Variants in MTRR observed in about 807,000 individuals in gnomAD.
The protein encoded by MTRR is methionine synthase reductase.
MTRR carries 63 observed loss-of-function variants against 79.2 expected under a neutral mutation model. The observed-to-expected ratio is 0.80, with a 90% confidence interval of 0.65 to 0.98. The LOEUF is 0.98. Among genes scored for constraint, MTRR ranks in the 50% least tolerant of loss-of-function variants. MTRR has a pLI of 0.00. For missense variants in MTRR, 895 were observed against 839.6 expected, an observed-to-expected ratio of 1.07 and a Z score of -0.82; for synonymous variants, 355 against 313.3, an observed-to-expected ratio of 1.13 and a Z score of -1.41.
intron 2 of MTRR, 118 bp downstream of exon 2, chr5:7,871,041 A>T: frequency 3.2e-6 from 4 of 1,234,846 alleles, no homozygotes; most frequent in Non-Finnish European, 4.7e-6. Flanking sequence ...TTTTTAACAG[A>T]AATGTGTTTG....
intron 1 of MTRR, among the ~76,000 whole-genome samples, chr5:7,854,688 C>T (rs568926519): frequency 2.6e-5 from 4 of 152,136 alleles, no homozygotes; most frequent in East Asian, 1.9e-4. Context: ...TATCTCCCTC[C>T]GGGTCTCTCC....
chr5:7,850,971 G>A (rs745410669), upstream of MTRR: 6 of 1,317,120 alleles, frequency 4.6e-6, no homozygotes, highest in Non-Finnish European at 2.9e-6. Context: ...GCGGCGGCCT[G>A]GGCTTGCCCC....
Position 7,892,846 on chromosome 5 carries a change from T to C in MTRR, c.1490T>C (p.Val497Ala), listed in dbSNP as rs1737849237. 1 of 1,614,234 alleles carries C rather than the reference T, an allele frequency of 6.2e-7. No individual in the cohort carries two copies. The highest frequency in any genetic ancestry group is 8.5e-7 in the Non-Finnish European group (1 of 1,180,034). Residue 497 changes from valine (V) to alanine (A), a missense_variant, in exon 11 of 15, where the codon GTT (valine) becomes GCT (alanine). Physicochemically the swap from Val to Ala is moderately conservative, Grantham distance 64. Coordinates refer to ENST00000440940, the MANE Select transcript of MTRR (RefSeq NM_002454.3). ...TGTACAGGCTGGCTGGCCTTGTTGG[T>C]TGCTTCAGTTCTTCAGCCAAACATA... ...GVCTGWLALL[V>A]ASVLQPNIHA...
exon 1 of MTRR, chr5:7,851,367 T>G: frequency 4.4e-6 from 1 of 229,610 alleles, no homozygotes; most frequent in Non-Finnish European, 8.4e-6. Context: ...CACTGATCAC[T>G]CCTTCGCGAG....
upstream of MTRR, chr5:7,868,125 A>G (rs1747171026): frequency 7.3e-7 from 1 of 1,367,988 alleles, no homozygotes; most frequent in African/African-American, 1.5e-5. Flanking sequence ...AAAAAATTTA[A>G]AAACACATGG....
intron 5 of MTRR, among the ~76,000 whole-genome samples, chr5:7,880,167 T>C (rs185775975): frequency 1.3e-5 from 2 of 152,224 alleles, no homozygotes; most frequent in African/African-American, 4.8e-5. Context: ...GACCGCACTG[T>C]CCTGGCTACT....
intron 1 of MTRR, among the ~76,000 whole-genome samples, chr5:7,854,546 C>T (rs1305642121): frequency 1.3e-5 from 2 of 152,050 alleles, no homozygotes; most frequent in African/African-American, 2.4e-5. Context: ...AGATGAAAGG[C>T]ACTCCTTACA....
upstream of MTRR, chr5:7,867,146 G>C (rs1351462818): frequency 1.2e-6 from 2 of 1,614,002 alleles, no homozygotes; most frequent in Non-Finnish European, 1.7e-6. Context: ...TATAATCAGA[G>C]GAAATGCTTG....
At chr5:7,893,828 C>T (rs1432426087) in intron 11 of MTRR, among the ~76,000 whole-genome samples, 2 of 152,146 alleles carry the variant, frequency 1.3e-5, no homozygotes, top group East Asian at 1.9e-4. Flanking sequence ...TTGAAATTGC[C>T]GTTTAACTTG....
At chr5:7,872,856 A>C (rs1293890514) in intron 2 of MTRR, among the ~76,000 whole-genome samples, 1 of 152,026 alleles carries the variant, frequency 6.6e-6, no homozygotes, top group African/African-American at 2.4e-5. Flanking sequence ...CTTTCTTATG[A>C]AAAGACGTTT....
upstream of MTRR, chr5:7,869,137 G>A (rs772125269): frequency 3.7e-6 from 6 of 1,613,414 alleles, no homozygotes; most frequent in Admixed American, 6.7e-5. Flanking sequence ...ACCGAGCATG[G>A]GCGCTGCGTC....
chr5:7,899,938 T>C lies in MTRR; in HGVS notation c.1977T>C (p.Asp659=). The change falls in exon 15 of 15, where the codon GAT becomes GAC. Residue 659 remains aspartate (D), a synonymous_variant. Coordinates refer to ENST00000440940, the MANE Select transcript of MTRR (RefSeq NM_002454.3). The part of the protein sequence containing the change: ...VCGDAKNMAK[D]VHDALVQIIS... ...GAGATGCAAAGAATATGGCCAAGGA[T>C]GTACATGATGCCCTTGTGCAAATAA... 1 of 1,614,158 alleles carries C rather than the reference T, an allele frequency of 6.2e-7. No homozygotes were observed. The highest frequency in any genetic ancestry group is 8.5e-7 in the Non-Finnish European group (1 of 1,180,030).
chr5:7,866,034 T>C, upstream of MTRR: 3 of 1,340,038 alleles, frequency 2.2e-6, no homozygotes, highest in Middle Eastern at 1.8e-4. Flanking sequence ...GAGGTATGTA[T>C]GAGAGAACAT....
At chr5:7,890,287 A>C in intron 9 of MTRR, 1 of 985,230 alleles carries the variant, frequency 1.0e-6, no homozygotes, top group Non-Finnish European at 1.2e-6. Context: ...GACCTCCCCA[A>C]AATGCTAAGA....
chr5:7,854,960 T>TTGAA lies in MTRR; in HGVS notation n.391+3376_391+3379dup, dbSNP rs1277314036. Among the ~76,000 whole-genome samples, 5 of 152,332 alleles carry TTGAA rather than the reference T, an allele frequency of 3.3e-5. No individual in the cohort carries two copies. In the East Asian group the frequency reaches 9.6e-4, roughly 29 times the overall value. On this transcript the variant is annotated intron_variant and non_coding_transcript_variant, in intron 1 of 3. Transcript: ENST00000502509. ...TCATTCCCAAGGCATTCAAGCCAAATTGAAGCAAGTCTCTGGATCTGCCCT... is the reference window on the plus strand; with the variant it reads ...TCATTCCCAAGGCATTCAAGCCAAATTGAATGAAGCAAGTCTCTGGATCTGCCCT...
At chr5:7,890,083 TCTC>T (rs1737291260) in intron 9 of MTRR, among the ~76,000 whole-genome samples, 1 of 152,208 alleles carries the variant, frequency 6.6e-6, no homozygotes. Flanking sequence ...AACTTTGTCA[TCTC>T]CTTTCCCATA....
chr5:7,888,967 T>C, intron 8 of MTRR, 128 bp from the exon 9 acceptor site: 1 of 1,007,600 alleles, frequency 9.9e-7, no homozygotes, highest in Non-Finnish European at 1.5e-6. Flanking sequence ...CTCCTGACAA[T>C]AGCTCCTAGT....
chr5:7,892,769 C>T lies in MTRR; in HGVS notation c.1413C>T (p.Asn471=). Residue 471 remains asparagine, a synonymous_variant, in exon 11 of 15, where the codon AAC becomes AAT. Coordinates refer to ENST00000440940, the MANE Select transcript of MTRR (RefSeq NM_002454.3). ...CAGGAAAGCTCCATTTTGTCTTCAA[C>T]ATTGTGGAATTTCTGTCTACTGCCA... The part of the protein sequence containing the change: ...FHPGKLHFVF[N]IVEFLSTATT... 6.2e-7 allele frequency: 1 copy of T among 1,614,228 alleles called. No homozygotes were observed. The highest frequency in any genetic ancestry group is 2.2e-5 in the East Asian group (1 of 44,888).
At chr5:7,872,217 C>T (rs1473786973) in intron 2 of MTRR, 4 of 453,360 alleles carry the variant, frequency 8.8e-6, no homozygotes, top group African/African-American at 6.0e-5. Flanking sequence ...TAAGTTGTTA[C>T]CTCTTTTATC....
Sources: gnomAD v4.1 joint callset for allele counts (sites outside exome capture counted in the v4.1 genomes callset) on GRCh38, gnomAD v4.1.1 for gene constraint, MANE v1.5 for transcripts, NCBI Gene and HGNC (gene_info 2026-07-23, HGNC 2026-07-21) for gene names.